Variants in KIF13A observed in about 807,000 individuals in gnomAD.
KIF13A encodes the protein kinesin-like protein KIF13A.
A neutral mutation model predicts 212.2 loss-of-function variants in KIF13A; 79 were observed. That is an observed-to-expected ratio of 0.37 (90% CI 0.31 to 0.45). The LOEUF (loss-of-function observed/expected upper bound fraction) is 0.45, where lower values mean the gene tolerates loss of function less well. Among genes scored for constraint, KIF13A ranks in the 20% least tolerant of loss-of-function variants. KIF13A has a pLI of 1.00. For synonymous variants in KIF13A, 789 were observed against 808.6 expected, an observed-to-expected ratio of 0.98 and a Z score of 0.41; for missense variants, 1,901 against 2,209.0, an observed-to-expected ratio of 0.86 and a Z score of 2.79.
intron 4 of KIF13A, among the ~76,000 whole-genome samples, chr6:17,868,989 C>CAAAAAAAAAAAAAAAA (rs71002278): frequency 4.8e-4 from 10 of 20,920 alleles, no homozygotes; most frequent in African/African-American, 1.3e-3. Context: ...GACTCCCTCT[C>CAAAAAAAAAAAAAAAA]AAAAAAAAAA....
In KIF13A at chr6:17,768,225, T is replaced by A. The variant is rs1482423134; in HGVS notation, c.4581+2889A>T. Among the ~76,000 whole-genome samples the A allele has an allele frequency of 1.3e-5, 2 of 152,212 alleles. No individual in the cohort carries two copies. The highest frequency in any genetic ancestry group is 2.9e-5 in the Non-Finnish European group (2 of 68,038). ...AAGAAGAATAAACTAAGCACCTTCC[T>A]ACAATGTCTTAAGGAAAAAGATAAT... is the stretch of plus-strand genomic sequence containing the variant. On this transcript the variant is annotated intron_variant, in intron 38 of 38. Coordinates refer to ENST00000259711, the MANE Select transcript of KIF13A (RefSeq NM_022113.6). This position sits in a 1 kb window ranked among gnomAD's most constrained non-coding sequence, Gnocchi z 5.4.
At chr6:17,760,847 C>G, downstream of KIF13A, 1 of 1,613,682 alleles carries the variant, frequency 6.2e-7, no homozygotes. Flanking sequence ...AGGAGGGGTG[C>G]TTGCTGCTCT....
At chr6:17,929,630 GACC>G (rs1775819206) in intron 2 of KIF13A, among the ~76,000 whole-genome samples, 1 of 152,124 alleles carries the variant, frequency 6.6e-6, no homozygotes, top group Admixed American at 6.5e-5. Flanking sequence ...TCGACCTCCT[GACC>G]TCATGATCTG....
intron 16 of KIF13A, among the ~76,000 whole-genome samples, chr6:17,822,785 G>C (rs1406728693): frequency 6.6e-6 from 1 of 152,142 alleles, no homozygotes; most frequent in African/African-American, 2.4e-5. Flanking sequence ...GCTCAGTTAG[G>C]TTGTTAAATA....
At chr6:17,818,416 G>C (rs995978657) in intron 16 of KIF13A, among the ~76,000 whole-genome samples, 2 of 152,212 alleles carry the variant, frequency 1.3e-5, no homozygotes, top group African/African-American at 4.8e-5. Context: ...CATGTAAATT[G>C]TAATAATTTT....
intron 9 of KIF13A, among the ~76,000 whole-genome samples, chr6:17,844,853 C>T (rs947232965): frequency 1.3e-5 from 2 of 152,146 alleles, no homozygotes; most frequent in South Asian, 2.1e-4. Flanking sequence ...TTATTTTTCT[C>T]CCTCAATACA....
rs1774894301 is a variant in KIF13A, at chr6:17,919,856, G to GAAA, written c.147-21679_147-21677dup. Among the ~76,000 whole-genome samples, 1 of 152,188 alleles carries GAAA rather than the reference G, an allele frequency of 6.6e-6. No homozygotes were observed. Among genetic ancestry groups the GAAA allele is most frequent in the Non-Finnish European group, 1.5e-5 (1 of 68,034 alleles). On this transcript the variant is annotated intron_variant, in intron 2 of 38. Coordinates refer to ENST00000259711, the MANE Select transcript of KIF13A (RefSeq NM_022113.6). This position sits in a 1 kb window ranked among gnomAD's most constrained non-coding sequence, Gnocchi z 4.1. ...CCTCTGGCTCTGCTACGACAGTGAA[G>GAAA]AAATACAGCAAAACAGTGCAGGACC...
chr6:17,767,931 C>T (rs1383714600), intron 38 of KIF13A, among the ~76,000 whole-genome samples: 1 of 151,870 alleles, frequency 6.6e-6, no homozygotes, highest in Non-Finnish European at 1.5e-5. Context: ...TCTACAAAGC[C>T]CCAAGAGATT....
At chr6:17,781,085 C>T in intron 30 of KIF13A, 92 bp downstream of exon 30, 1 of 1,526,038 alleles carries the variant, frequency 6.6e-7, no homozygotes, top group Non-Finnish European at 9.0e-7. Context: ...CGGTCTTTTT[C>T]CCCAAAGCAA....
chr6:17,815,536 CCT>C, intron 17 of KIF13A: 2 of 359,498 alleles, frequency 5.6e-6, no homozygotes, highest in Non-Finnish European at 1.2e-5. Flanking sequence ...CTCTAGTGGC[CCT>C]GTTTGGGAGT....
intron 33 of KIF13A, 58 bp downstream of exon 33, chr6:17,778,889 G>A (rs1760229174): frequency 6.5e-7 from 1 of 1,531,918 alleles, no homozygotes; most frequent in Non-Finnish European, 8.9e-7. Flanking sequence ...ATTCATATCT[G>A]TCCATTGGGG....
At chr6:17,832,901 C>A (rs1396148081) in intron 12 of KIF13A, among the ~76,000 whole-genome samples, 1 of 150,582 alleles carries the variant, frequency 6.6e-6, no homozygotes, top group Non-Finnish European at 1.5e-5. Context: ...CTAGTCCCAG[C>A]TGCTCGGGAG....
At position 17,799,553 on chromosome 6, in the gene KIF13A, G is replaced by A; in HGVS notation, c.2617-114C>T. The A allele has an allele frequency of 2.4e-6, 2 of 840,106 alleles. No individual in the cohort carries two copies. The highest frequency in any genetic ancestry group is 3.6e-6 in the Non-Finnish European group (2 of 555,554). The allele number at this position is 840,106 out of a possible 1,614,324, so 52.0% of individuals were successfully genotyped here. ...AACAAATTGGTCATCCATTTGACAT[G>A]TGAAAATATTATATCTGACACCGTG... On this transcript the variant is annotated intron_variant, in intron 21 of 38. Transcript: ENST00000259711. The surrounding 1 kb of genome is among the most constrained non-coding windows in gnomAD (Gnocchi z 4.4).
downstream of KIF13A, chr6:17,760,934 C>A (rs954120520): frequency 6.3e-7 from 1 of 1,585,506 alleles, no homozygotes. Flanking sequence ...CCACCCCACC[C>A]ACAGCACCTA....
intron 2 of KIF13A, among the ~76,000 whole-genome samples, chr6:17,966,532 T>C (rs973936196): frequency 2.7e-5 from 4 of 145,976 alleles, no homozygotes; most frequent in African/African-American, 7.6e-5. Context: ...AGACTTTTAA[T>C]GGTCAAGTAT....
Position 17,789,385 on chromosome 6 carries a change from A to C in KIF13A, c.3261+487T>G, listed in dbSNP as rs903008541. ...TTTTCCTATTCAGCAAAAGTCTTGT[A>C]AAGTAAAATGGCATATTACAACAAT... On this transcript the variant is annotated intron_variant, in intron 26 of 38. Coordinates refer to ENST00000259711, the MANE Select transcript of KIF13A (RefSeq NM_022113.6). This position sits in a 1 kb window ranked among gnomAD's most constrained non-coding sequence, Gnocchi z 4.8. Among the ~76,000 whole-genome samples, 1 of 152,228 alleles carries C rather than the reference A, an allele frequency of 6.6e-6. No homozygotes were observed. The highest frequency in any genetic ancestry group is 1.5e-5 in the Non-Finnish European group (1 of 68,044).
rs1758731713 is a variant in KIF13A, at chr6:17,764,097, C to T, written c.*13G>A. ...GTGAAGGGCCTCTGGGGTTGACATA[C>T]AGTTAGACATACTCATTGACAGCAC... On this transcript the variant is annotated 3_prime_UTR_variant, in exon 39 of 39. Transcript: ENST00000259711. This position sits in a 1 kb window ranked among gnomAD's most constrained non-coding sequence, Gnocchi z 5.1. 4 of 1,610,818 alleles carry T rather than the reference C, an allele frequency of 2.5e-6. No individual in the cohort carries two copies. The highest frequency in any genetic ancestry group is 1.7e-5 in the Admixed American group (1 of 59,850).
chr6:17,982,259 C>A lies in KIF13A; in HGVS notation c.146+4795G>T, dbSNP rs1781160496. ...TATAGGTGTGCACCACCACACTCGGCTAACTTTTGTATTTTTTTAGTGGAG... is the reference window on the plus strand; with the variant it reads ...TATAGGTGTGCACCACCACACTCGGATAACTTTTGTATTTTTTTAGTGGAG... On this transcript the variant is annotated intron_variant, in intron 2 of 38. Coordinates refer to ENST00000259711, the MANE Select transcript of KIF13A (RefSeq NM_022113.6). The surrounding 1 kb of genome is among the most constrained non-coding windows in gnomAD (Gnocchi z 5.1). 6.0e-6 allele frequency: 1 copy of A among 165,824 alleles called. No homozygotes were observed. The highest frequency in any genetic ancestry group is 1.2e-5 in the Non-Finnish European group (1 of 80,622). 10.3% of individuals were successfully genotyped at this position (165,824 alleles called of 1,614,324 possible).
intron 2 of KIF13A, among the ~76,000 whole-genome samples, chr6:17,925,390 G>T (rs777179221): frequency 4.6e-5 from 7 of 152,146 alleles, no homozygotes; most frequent in Non-Finnish European, 4.4e-5. Context: ...AGGAAATGAG[G>T]AATTTGGTTT....
Sources: allele counts gnomAD v4.1 joint callset (sites outside exome capture counted in the v4.1 genomes callset), GRCh38; gene constraint gnomAD v4.1.1; non-coding constraint Gnocchi (gnomAD v3.1); transcripts MANE v1.5; gene names NCBI Gene and HGNC (gene_info 2026-07-23, HGNC 2026-07-21).